Variants in PIEZO2 observed in about 807,000 individuals in gnomAD.
PIEZO2 encodes piezo type mechanosensitive ion channel component 2.
A neutral mutation model predicts 337.3 loss-of-function variants in PIEZO2; 172 were observed. That is an observed-to-expected ratio of 0.51 (90% CI 0.45 to 0.58). The LOEUF (loss-of-function observed/expected upper bound fraction) is 0.58. Ranked by LOEUF, PIEZO2 falls within the 20% of genes least tolerant of loss-of-function variation. The pLI, the probability that PIEZO2 is intolerant of heterozygous loss-of-function variation, is 0.00. For missense variants in PIEZO2, 3,028 were observed against 3,391.3 expected, an observed-to-expected ratio of 0.89 and a Z score of 2.66; for synonymous variants, 1,251 against 1,228.5, an observed-to-expected ratio of 1.02 and a Z score of -0.38.
At chr18:10,900,021 C>T (rs1353631215) in intron 4 of PIEZO2, among the ~76,000 whole-genome samples, 4 of 152,184 alleles carry the variant, frequency 2.6e-5, no homozygotes, top group East Asian at 3.9e-4. Flanking sequence ...TGAAGGATTG[C>T]TTATTTTTGC....
chr18:10,782,391 A>T (rs1166738256), intron 17 of PIEZO2, among the ~76,000 whole-genome samples: 1 of 88,664 alleles, frequency 1.1e-5, no homozygotes, highest in Non-Finnish European at 2.2e-5. Flanking sequence ...TTATAATTAT[A>T]TATAAATAAT....
chr18:10,688,270 A>G (rs2034643566), intron 49 of PIEZO2, among the ~76,000 whole-genome samples: 1 of 152,044 alleles, frequency 6.6e-6, no homozygotes, highest in South Asian at 2.1e-4. Flanking sequence ...GGTCTTCTGT[A>G]GCTGTGTTAG....
intron 4 of PIEZO2, among the ~76,000 whole-genome samples, chr18:10,873,717 C>A (rs562991172): frequency 6.6e-6 from 1 of 152,076 alleles, no homozygotes; most frequent in African/African-American, 2.4e-5. Flanking sequence ...AAAGAGTCTT[C>A]TAATCTAGGA....
intron 7 of PIEZO2, among the ~76,000 whole-genome samples, chr18:10,812,365 C>T (rs772567133): frequency 3.9e-5 from 6 of 152,028 alleles, no homozygotes; most frequent in East Asian, 1.9e-4. Context: ...AACGGGACAC[C>T]GGGGCCTACT....
In PIEZO2 at chr18:10,716,247, C is replaced by A. The variant is rs1172201310; in HGVS notation, c.5090-431G>T. On this transcript the variant is annotated intron_variant, in intron 37 of 55. Transcript: ENST00000674853. The surrounding 1 kb of genome is among the most constrained non-coding windows in gnomAD (Gnocchi z 4.1). ...ACCCCTAATACAGAAAAACCAACCC[C>A]TCTTCTTCCTCCTCCTCCTCAACCC... Among the ~76,000 whole-genome samples the A allele has an allele frequency of 2.6e-5, 4 of 152,196 alleles. No homozygotes were observed. The highest frequency in any genetic ancestry group is 1.3e-4 in the Admixed American group (2 of 15,276).
rs1030174743 is a variant in PIEZO2 at position 11,001,150 on chromosome 18, G to C, written c.161-21490C>G. ...TGTGTCATGCCACAGAGCCATTTTG[G>C]TCATCTTGATCTGGATATTGATTGT... On this transcript the variant is annotated intron_variant, in intron 2 of 55. Transcript: ENST00000674853. This position sits in a 1 kb window ranked among gnomAD's most constrained non-coding sequence, Gnocchi z 5.3. Among the ~76,000 whole-genome samples, 1 of 152,132 alleles carries C rather than the reference G, an allele frequency of 6.6e-6. No homozygotes were observed. Among genetic ancestry groups the C allele is most frequent in the Non-Finnish European group, 1.5e-5 (1 of 68,020 alleles).
chr18:11,072,603 T>G (rs2038383350), intron 1 of PIEZO2, among the ~76,000 whole-genome samples: 1 of 152,212 alleles, frequency 6.6e-6, no homozygotes, highest in Non-Finnish European at 1.5e-5. Flanking sequence ...GATCTATGCA[T>G]TTCACGTCAA....
intron 1 of PIEZO2, among the ~76,000 whole-genome samples, chr18:11,135,893 T>C (rs576930185): frequency 6.6e-6 from 1 of 152,320 alleles, no homozygotes; most frequent in South Asian, 2.1e-4. Flanking sequence ...ATCCCAGAAC[T>C]AGATTCCATT....
At chr18:10,756,596 G>T (rs770723540) in intron 27 of PIEZO2, among the ~76,000 whole-genome samples, 3 of 147,802 alleles carry the variant, frequency 2.0e-5, no homozygotes, top group Non-Finnish European at 3.0e-5. Context: ...TGAAAGATGA[G>T]GAGGAGGGAT....
intron 1 of PIEZO2, among the ~76,000 whole-genome samples, chr18:11,084,197 AAAG>A (rs2038843932): frequency 6.6e-6 from 1 of 150,960 alleles, no homozygotes; most frequent in Non-Finnish European, 1.5e-5. Flanking sequence ...AAAAAAAAAA[AAAG>A]ACAGAGAGAG....
In PIEZO2 at chr18:10,752,724, A is replaced by G. The variant is rs2037695472; in HGVS notation, c.4079T>C (p.Leu1360Pro). ...CAGGATGCTCTTGATGGGTTTCAAC[A>G]GCAAATCGCCCCCAAAGAGCAGGAA... ...FYFLLFGGDL[L>P]LKPIKSILRY... is the part of the protein sequence containing the mutation. The change falls in exon 28 of 56, where the codon CTG (leucine) becomes CCG (proline). Residue 1360 changes from leucine to proline, a missense_variant. Coordinates refer to ENST00000674853, the MANE Select transcript of PIEZO2 (RefSeq NM_001378183.1). The G allele has an allele frequency of 6.5e-7, 1 of 1,537,130 alleles. No homozygotes were observed.
intron 4 of PIEZO2, among the ~76,000 whole-genome samples, chr18:10,892,854 C>T (rs1208203587): frequency 6.6e-6 from 1 of 152,212 alleles, no homozygotes; most frequent in African/African-American, 2.4e-5. Flanking sequence ...AAACAAGCTA[C>T]ATCTGTAAAT....
intron 49 of PIEZO2, among the ~76,000 whole-genome samples, chr18:10,683,863 C>T (rs2034388551): frequency 6.6e-6 from 1 of 152,188 alleles, no homozygotes; most frequent in Non-Finnish European, 1.5e-5. Context: ...ACATTGGTTC[C>T]TCTCCTGAAG....
chr18:10,731,341 G>A, intron 36 of PIEZO2, 66 bp downstream of exon 36: 1 of 1,089,992 alleles, frequency 9.2e-7, no homozygotes, highest in Non-Finnish European at 1.3e-6. Flanking sequence ...GTCCTTTGCA[G>A]ACAAGGCTGG....
chr18:10,717,373 T>G (rs2143904419), intron 37 of PIEZO2, among the ~76,000 whole-genome samples: 1 of 152,272 alleles, frequency 6.6e-6, no homozygotes, highest in Admixed American at 6.5e-5. Flanking sequence ...TTAGGTGGCC[T>G]TCCGTAAGTC....
At chr18:10,886,701 C>T (rs1236358408) in intron 4 of PIEZO2, among the ~76,000 whole-genome samples, 2 of 151,114 alleles carry the variant, frequency 1.3e-5, no homozygotes, top group Non-Finnish European at 2.9e-5. Context: ...CTGTGCTCAC[C>T]TATTTTCAGA....
chr18:10,801,548 A>G, intron 9 of PIEZO2, 120 bp from the exon 10 acceptor site: 1 of 834,020 alleles, frequency 1.2e-6, no homozygotes, highest in Non-Finnish European at 1.9e-6. Flanking sequence ...GATTGCTAGT[A>G]TATTAATATT....
At chr18:10,685,876 A>T (rs542211475) in intron 49 of PIEZO2, among the ~76,000 whole-genome samples, 3 of 152,190 alleles carry the variant, frequency 2.0e-5, no homozygotes, top group Non-Finnish European at 4.4e-5. Flanking sequence ...TGCGGGCACG[A>T]GATTGCGCCT....
At chr18:10,782,418 A>ATTAT (rs2039054160) in intron 17 of PIEZO2, among the ~76,000 whole-genome samples, 1 of 64,128 alleles carries the variant, frequency 1.6e-5, no homozygotes, top group Non-Finnish European at 3.4e-5. Flanking sequence ...ATATATTATA[A>ATTAT]TTATATATAA....
Sources: allele counts gnomAD v4.1 joint callset (sites outside exome capture counted in the v4.1 genomes callset), GRCh38; gene constraint gnomAD v4.1.1; non-coding constraint Gnocchi (gnomAD v3.1); transcripts MANE v1.5; gene names NCBI Gene and HGNC (gene_info 2026-07-23, HGNC 2026-07-21).